CDK6: variants seen among roughly 807,000 people sequenced by gnomAD.
CDK6 encodes the protein cyclin dependent kinase 6, also known as cyclin-dependent kinase 6.
Under a neutral mutation model 37.1 loss-of-function variants are expected in CDK6, and 6 were observed. The observed-to-expected ratio is 0.16, with a 90% CI of 0.09 to 0.32. CDK6 has a LOEUF of 0.32. Ranked by LOEUF, CDK6 falls within the 10% of genes least tolerant of loss-of-function variation. The pLI, the probability that CDK6 is intolerant of heterozygous loss-of-function variation, is 1.00. For missense variants in CDK6, 224 were observed against 418.9 expected, an observed-to-expected ratio of 0.53 and a Z score of 4.06; for synonymous variants, 160 against 161.3, an observed-to-expected ratio of 0.99 and a Z score of 0.06.
At chr7:92,755,244 C>G (rs536189387) in intron 3 of CDK6, among the ~76,000 whole-genome samples, 1 of 152,226 alleles carries the variant, frequency 6.6e-6, no homozygotes, top group South Asian at 2.1e-4. Context: ...CTTTCCTTTC[C>G]CCGCAGCTGT....
At chr7:92,682,615 T>C (rs1797362648) in intron 4 of CDK6, among the ~76,000 whole-genome samples, 1 of 152,190 alleles carries the variant, frequency 6.6e-6, no homozygotes, top group African/African-American at 2.4e-5. Flanking sequence ...CAGAGTGTTG[T>C]ATAAAGCAAG....
chr7:92,610,247 G>C lies in CDK6; in HGVS notation c.*4893C>G. 1 of 232,368 alleles carries C rather than the reference G, an allele frequency of 4.3e-6. No homozygotes were observed. The highest frequency in any genetic ancestry group is 8.5e-6 in the Non-Finnish European group (1 of 117,552). 14.4% of individuals were successfully genotyped at this position (232,368 alleles called of 1,614,324 possible). ...TTCAGCAGATGCTCGAAAAGAGCCT[G>C]TATTTATTTTCAGGTGGCTCTTGTT... On this transcript the variant is annotated 3_prime_UTR_variant, in exon 8 of 8. Transcript: ENST00000424848.
intron 3 of CDK6, among the ~76,000 whole-genome samples, chr7:92,767,176 G>A (rs1799602987): frequency 6.6e-6 from 1 of 152,082 alleles, no homozygotes; most frequent in Admixed American, 6.5e-5. Context: ...TATATTTTTT[G>A]TTAGGATACA....
chr7:92,744,184 C>T (rs1014837163), intron 3 of CDK6, among the ~76,000 whole-genome samples: 2 of 152,100 alleles, frequency 1.3e-5, no homozygotes, highest in Non-Finnish European at 2.9e-5. Flanking sequence ...CTAATAAAGA[C>T]GTATCAGAGA....
At chr7:92,668,835 C>T (rs979586961) in intron 5 of CDK6, among the ~76,000 whole-genome samples, 1 of 152,076 alleles carries the variant, frequency 6.6e-6, no homozygotes, top group East Asian at 1.9e-4. Flanking sequence ...GGTAGCCACC[C>T]TAGGAGGGAT....
intron 4 of CDK6, among the ~76,000 whole-genome samples, chr7:92,705,707 C>T (rs751285194): frequency 2.6e-5 from 4 of 152,080 alleles, no homozygotes; most frequent in Admixed American, 6.5e-5. Context: ...AGCCAGGGTA[C>T]GTTTTCTTTG....
chr7:92,743,626 T>C lies in CDK6; in HGVS notation c.370-17833A>G, dbSNP rs370662987. Reference sequence around the variant, plus strand: ...GTAAAAAGGTTAACCTCATTAATCATCAGTGAATTGAAAATTAAAAGCACA... The same window carrying C: ...GTAAAAAGGTTAACCTCATTAATCACCAGTGAATTGAAAATTAAAAGCACA... On this transcript the variant is annotated intron_variant, in intron 3 of 7. Transcript: ENST00000424848. 2.6e-5 allele frequency among the ~76,000 whole-genome samples: 4 copies of C among 152,254 alleles called. No homozygotes were observed. The East Asian group carries it at 7.7e-4, about 29-fold the overall frequency.
chr7:92,662,635 G>T (rs1207658837), intron 5 of CDK6, among the ~76,000 whole-genome samples: 1 of 152,146 alleles, frequency 6.6e-6, no homozygotes, highest in Non-Finnish European at 1.5e-5. Context: ...CAGGGAGAGT[G>T]CAAGCTGAGT....
intron 5 of CDK6, among the ~76,000 whole-genome samples, chr7:92,663,581 G>T (rs953143113): frequency 6.6e-6 from 1 of 151,832 alleles, no homozygotes; most frequent in African/African-American, 2.4e-5. Context: ...TGTGCCTGTA[G>T]TCCCAGCTAC....
chr7:92,707,051 CT>C (rs1797985167), intron 4 of CDK6, among the ~76,000 whole-genome samples: 1 of 152,078 alleles, frequency 6.6e-6, no homozygotes, highest in Admixed American at 6.5e-5. Flanking sequence ...GTAATCTAAA[CT>C]TTAGTAAAAG....
chr7:92,812,627 C>T (rs2374588), intron 2 of CDK6, among the ~76,000 whole-genome samples: 14,202 of 151,986 alleles, frequency 0.093, 925 homozygotes, highest in African/African-American at 0.19. Flanking sequence ...GGTCTCACTA[C>T]GTTGCCCAGG....
rs781776979 is a variant in CDK6 at position 92,834,620 on chromosome 7, C to A, written c.-367-930G>T. 1.4e-5 allele frequency among the ~76,000 whole-genome samples: 2 copies of A among 147,212 alleles called. No homozygotes were observed. Among genetic ancestry groups the A allele is most frequent in the Non-Finnish European group, 3.0e-5 (2 of 67,448 alleles). On this transcript the variant is annotated intron_variant, in intron 1 of 7. Transcript: ENST00000424848. This position sits in a 1 kb window ranked among gnomAD's most constrained non-coding sequence, Gnocchi z 4.6. ...GGAAGGGGATAGCATAATCGCGCCT[C>A]GTCCTTAAGTTTTAAACTGATTTCG...
intron 2 of CDK6, among the ~76,000 whole-genome samples, chr7:92,779,602 C>G (rs1425846880): frequency 6.6e-6 from 1 of 152,174 alleles, no homozygotes. Context: ...CAAGGGACAT[C>G]AGAGTCCTAA....
chr7:92,622,239 A>G (rs1310885375), intron 6 of CDK6, among the ~76,000 whole-genome samples: 1 of 152,222 alleles, frequency 6.6e-6, no homozygotes, highest in East Asian at 1.9e-4. Context: ...ACATGAATGC[A>G]TACATGCATG....
chr7:92,619,933 G>GT (rs1479383272), intron 6 of CDK6, among the ~76,000 whole-genome samples: 6 of 152,246 alleles, frequency 3.9e-5, no homozygotes, highest in Admixed American at 2.6e-4. Context: ...AAATGCACGT[G>GT]TAAGTGTCTG....
intron 5 of CDK6, among the ~76,000 whole-genome samples, chr7:92,642,460 C>G (rs1796332638): frequency 6.6e-6 from 1 of 152,124 alleles, no homozygotes; most frequent in African/African-American, 2.4e-5. Flanking sequence ...TGTCTAGAAT[C>G]CCAGTACTCC....
In CDK6 at chr7:92,651,120, C is replaced by T. The variant is rs528795029; in HGVS notation, c.647+20306G>A. Among the ~76,000 whole-genome samples, 12 of 152,290 alleles carry T rather than the reference C, an allele frequency of 7.9e-5. No homozygotes were observed. The South Asian group carries it at 2.5e-3, about 32-fold the overall frequency. On this transcript the variant is annotated intron_variant, in intron 5 of 7. Transcript: ENST00000424848. ...GGCCAGGCTGGTCTCGATCTCCTGACTTCAGGGGATCCTCCTGCCACGGCC... is the reference window on the plus strand; with the variant it reads ...GGCCAGGCTGGTCTCGATCTCCTGATTTCAGGGGATCCTCCTGCCACGGCC...
chr7:92,742,204 C>T (rs1366099327), intron 3 of CDK6, among the ~76,000 whole-genome samples: 1 of 152,150 alleles, frequency 6.6e-6, no homozygotes, highest in Non-Finnish European at 1.5e-5. Context: ...AAAGCTTAAT[C>T]AAAAGTTTAA....
At chr7:92,832,543 A>C (rs181369493) in intron 2 of CDK6, among the ~76,000 whole-genome samples, 1 of 152,352 alleles carries the variant, frequency 6.6e-6, no homozygotes, top group Admixed American at 6.5e-5. Flanking sequence ...TTACTACGCA[A>C]CTTTAATAAA....
Sources: gnomAD v4.1 joint callset for allele counts (sites outside exome capture counted in the v4.1 genomes callset) on GRCh38, gnomAD v4.1.1 for gene constraint, Gnocchi (gnomAD v3.1) non-coding constraint, MANE v1.5 for transcripts, NCBI Gene and HGNC (gene_info 2026-07-23, HGNC 2026-07-21) for gene names.